The following KRT75 variants were observed in gnomAD, a reference collection of about 807,000 sequenced individuals.
KRT75 encodes keratin, type II cytoskeletal 75.
A neutral mutation model predicts 48.8 loss-of-function variants in KRT75; 35 were observed. That is an observed-to-expected ratio of 0.72 (90% CI 0.55 to 0.95). The LOEUF (loss-of-function observed/expected upper bound fraction) is 0.95, where lower values mean the gene tolerates loss of function less well. KRT75 is among the 40% of genes least tolerant of loss of function. The probability of loss-of-function intolerance (pLI) is 0.00; values close to 1 mark genes in which losing one functional copy is unlikely to be tolerated. For missense variants in KRT75, 776 were observed against 709.9 expected (o/e 1.09, Z -1.06); for synonymous variants, 301 against 282.3 (o/e 1.07, Z -0.66).
chr12:52,425,397 G>C (rs4761794), intron 8 of KRT75, among the ~76,000 whole-genome samples: 21,903 of 152,232 alleles, frequency 0.14, 1,778 homozygotes, highest in Middle Eastern at 0.22. Context: ...CTATGGTGAA[G>C]TGTTAACACC....
chr12:52,428,690 G>T lies in KRT75; in HGVS notation c.1089C>A (p.Thr363=). The T allele has an allele frequency of 6.2e-7, 1 of 1,614,168 alleles. No homozygotes were observed. The highest frequency in any genetic ancestry group is 8.5e-7 in the Non-Finnish European group (1 of 1,180,050). Residue 363 remains threonine (T), a synonymous_variant, in exon 6 of 9, where the codon ACC becomes ACA. Transcript: ENST00000252245. Reference sequence around the variant, plus strand: ...GGTTCATTTCAGAGATCTCTTGTTTGGTGTTTCGAAGGTCATCCCCATGTC... The same window carrying T: ...GGTTCATTTCAGAGATCTCTTGTTTTGTGTTTCGAAGGTCATCCCCATGTC... The part of the protein sequence containing the change: ...AGRHGDDLRN[T]KQEISEMNRM...
At chr12:52,431,754 T>C (rs1434566912) in intron 3 of KRT75, 116 bp from the exon 4 acceptor site, 3 of 892,070 alleles carry the variant, frequency 3.4e-6, no homozygotes, top group Non-Finnish European at 5.5e-6. Context: ...AAACTCTGGG[T>C]CTGGGTGATT....
Position 52,428,683 on chromosome 12 carries a change from CTT to C in KRT75, c.1094_1095del (p.Gln365ArgfsTer4). ...ATCATGCGGTTCATTTCAGAGATCT[CTT>C]GTTTGGTGTTTCGAAGGTCATCCCC... ...RHGDDLRNTK[Q>X]EISEMNRMIQ... On this transcript the variant is annotated frameshift_variant, in exon 6 of 9. Coordinates refer to ENST00000252245, the MANE Select transcript of KRT75 (RefSeq NM_004693.3). LOFTEE classifies it high-confidence loss of function. The C allele has an allele frequency of 6.2e-7, 1 of 1,614,176 alleles. No homozygotes were observed. Among genetic ancestry groups the C allele is most frequent in the Non-Finnish European group, 8.5e-7 (1 of 1,180,040 alleles).
rs770243826 is a variant in KRT75 at position 52,433,812 on chromosome 12, C to T, written c.493G>A (p.Asp165Asn). 1.1e-5 allele frequency: 17 copies of T among 1,613,966 alleles called. No homozygotes were observed. The highest frequency in any genetic ancestry group is 4.5e-5 in the East Asian group (2 of 44,882). The change falls in exon 1 of 9, where the codon GAC (aspartate) becomes AAC (asparagine). Residue 165 changes from aspartate to asparagine, a missense_variant. Coordinates refer to ENST00000252245, the MANE Select transcript of KRT75 (RefSeq NM_004693.3). ...TLNNKFASFI[D>N]KVRFLEQQNK... The stretch of plus-strand genomic sequence containing the variant: ...TGGATGAAGCCCCTGCTTACCTTGT[C>T]GATGAAGGAGGCGAACTTATTGTTG...
In KRT75 at chr12:52,424,504, C is replaced by T. The variant is rs755363242; in HGVS notation, c.*13G>A. 1.9e-6 allele frequency: 3 copies of T among 1,610,936 alleles called. No individual in the cohort carries two copies. Among genetic ancestry groups the T allele is most frequent in the African/African-American group, 2.7e-5 (2 of 74,850 alleles). The stretch of plus-strand genomic sequence containing the variant: ...AGGCCTCAAGGCAGGGTAGAGGGAG[C>T]CATGGGGCTCTCTTAGTGCGTGTAG... On this transcript the variant is annotated 3_prime_UTR_variant, in exon 9 of 9. Coordinates refer to ENST00000252245, the MANE Select transcript of KRT75 (RefSeq NM_004693.3).
chr12:52,428,189 A>G (rs1444432885), intron 7 of KRT75, 67 bp downstream of exon 7: 2 of 1,591,902 alleles, frequency 1.3e-6, no homozygotes, highest in East Asian at 2.2e-5. Flanking sequence ...CCGAGCCCCT[A>G]GGAATGCCCA....
chr12:52,430,229 A>G (rs942848076), intron 5 of KRT75, among the ~76,000 whole-genome samples: 4 of 152,136 alleles, frequency 2.6e-5, no homozygotes, highest in Non-Finnish European at 4.4e-5. Flanking sequence ...TAGAGAATAA[A>G]TAAGCCTTTT....
chr12:52,434,275 C>G lies in KRT75; in HGVS notation c.30G>C (p.Gln10His), dbSNP rs1488838149. Residue 10 changes from glutamine to histidine, a missense_variant, in exon 1 of 9, where the codon CAG becomes CAC. Gln to His is a conservative substitution (Grantham distance 24, BLOSUM62 0). Coordinates refer to ENST00000252245, the MANE Select transcript of KRT75 (RefSeq NM_004693.3). MSRQSSITF[Q>H]SGSRRGFSTT... is the part of the protein sequence containing the mutation. ...TGCTGAAGCCCCTGCGGCTGCCAGA[C>G]TGGAAGGTGATGGAGGACTGCCGAG... is the stretch of plus-strand genomic sequence containing the variant. 4.4e-6 allele frequency: 7 copies of G among 1,587,228 alleles called. No homozygotes were observed. The highest frequency in any genetic ancestry group is 4.3e-6 in the Non-Finnish European group (5 of 1,171,884).
chr12:52,428,389 C>G lies in KRT75; in HGVS notation c.1249G>C (p.Glu417Gln), dbSNP rs1381494646. 1 of 1,614,198 alleles carries G rather than the reference C, an allele frequency of 6.2e-7. No homozygotes were observed. The highest frequency in any genetic ancestry group is 1.7e-5 in the Admixed American group (1 of 60,022). Reference protein sequence around the residue: ...KDARAKLVDLEEALQKAKQDM... With the variant: ...KDARAKLVDLQEALQKAKQDM... ...TGCTTGGCCTTCTGCAGGGCCTCCT[C>G]AAGGTCCACCAGCTTGGCCCGTGCA... Residue 417 changes from glutamate (E) to glutamine (Q), a missense_variant, in exon 7 of 9, where the codon GAG (glutamate) becomes CAG (glutamine). Physicochemically the swap from Glu to Gln is conservative, Grantham distance 29 (BLOSUM62 2). Transcript: ENST00000252245.
chr12:52,430,765 G>A, intron 4 of KRT75, 60 bp from the exon 5 acceptor site: 4 of 1,587,154 alleles, frequency 2.5e-6, no homozygotes, highest in Non-Finnish European at 3.5e-6. Context: ...AAATCTTCGT[G>A]GTTAACTACC....
At chr12:52,432,140 G>GTTAA (rs1343651803) in intron 2 of KRT75, 74 bp from the exon 3 acceptor site, 1 of 1,453,638 alleles carries the variant, frequency 6.9e-7, no homozygotes, top group African/African-American at 1.4e-5. Flanking sequence ...TGTAGCAAGA[G>GTTAA]TTAAGAGCCC....
chr12:52,430,783 G>A, intron 4 of KRT75, 78 bp from the exon 5 acceptor site: 1 of 1,487,642 alleles, frequency 6.7e-7, no homozygotes, highest in South Asian at 1.1e-5. Context: ...ACCCATCTAG[G>A]TCAGGAATCC....
chr12:52,430,450 C>T, intron 5 of KRT75, 91 bp downstream of exon 5: 1 of 1,330,452 alleles, frequency 7.5e-7, no homozygotes, highest in Non-Finnish European at 1.1e-6. Flanking sequence ...AACGAATGTG[C>T]TCACACGTTT....
intron 5 of KRT75, among the ~76,000 whole-genome samples, chr12:52,429,475 G>A (rs1244307418): frequency 5.3e-5 from 8 of 152,178 alleles, no homozygotes. Flanking sequence ...GCAGACTGAA[G>A]TGAAACCTAC....
intron 1 of KRT75, 58 bp downstream of exon 1, chr12:52,433,749 C>A: frequency 6.2e-7 from 1 of 1,612,224 alleles, no homozygotes; most frequent in South Asian, 1.1e-5. Flanking sequence ...CATGGGATGG[C>A]CCTTCCAAGA....
At chr12:52,431,934 C>T (rs1940149815) in intron 3 of KRT75, 72 bp downstream of exon 3, 1 of 1,456,770 alleles carries the variant, frequency 6.9e-7, no homozygotes, top group Non-Finnish European at 9.6e-7. Flanking sequence ...GCCCAAGGGT[C>T]AGAGGTCAGG....
In KRT75 at chr12:52,428,335, G is replaced by A; in HGVS notation, c.1303C>T (p.Gln435Ter). Residue 435 changes from glutamine (Q) to a stop codon, truncating the protein, a stop_gained, in exon 7 of 9, where the codon CAG becomes TAG. Transcript: ENST00000252245. LOFTEE classifies it high-confidence loss of function. ...QDMARLLREY[Q>*]ELMNIKLALD... is the part of the protein sequence containing the mutation. ...GCCAGCTTGATGTTCATCAGCTCCT[G>A]GTACTCACGCAGGAGCCGAGCCATG... 1 of 1,614,122 alleles carries A rather than the reference G, an allele frequency of 6.2e-7. No individual in the cohort carries two copies. The highest frequency in any genetic ancestry group is 8.5e-7 in the Non-Finnish European group (1 of 1,180,028).
chr12:52,426,252 G>A (rs952446483), intron 8 of KRT75, among the ~76,000 whole-genome samples: 1 of 152,302 alleles, frequency 6.6e-6, no homozygotes, highest in Non-Finnish European at 1.5e-5. Context: ...TAGAGCTACT[G>A]TAGCCAACTG....
chr12:52,428,697 CG>C lies in KRT75; in HGVS notation c.1081del (p.Arg361GlufsTer10), dbSNP rs1565791917. 5.0e-6 allele frequency: 8 copies of C among 1,614,152 alleles called. No individual in the cohort carries two copies. In the South Asian group the frequency reaches 8.8e-5, roughly 18 times the overall value. ...VTAGRHGDDL[R>X]NTKQEISEMN... is the part of the protein sequence containing the mutation. Reference sequence around the variant, plus strand: ...TTCAGAGATCTCTTGTTTGGTGTTTCGAAGGTCATCCCCATGTCTGCCTGCG... The same window carrying C: ...TTCAGAGATCTCTTGTTTGGTGTTTCAAGGTCATCCCCATGTCTGCCTGCG... On this transcript the variant is annotated frameshift_variant, in exon 6 of 9. Coordinates refer to ENST00000252245, the MANE Select transcript of KRT75 (RefSeq NM_004693.3). LOFTEE classifies it high-confidence loss of function.
Sources: gnomAD v4.1 joint callset for allele counts (sites outside exome capture counted in the v4.1 genomes callset) on GRCh38, gnomAD v4.1.1 for gene constraint, MANE v1.5 for transcripts, NCBI Gene and HGNC (gene_info 2026-07-23, HGNC 2026-07-21) for gene names.